The following CCSER1 variants were observed in gnomAD, a reference collection of about 807,000 sequenced individuals.
CCSER1 encodes coiled-coil serine rich protein 1.
CCSER1 carries 41 observed loss-of-function variants against 82.0 expected under a neutral mutation model. That is an observed-to-expected ratio of 0.50 (90% CI 0.39 to 0.65). The LOEUF (loss-of-function observed/expected upper bound fraction) is 0.65. Ranked by LOEUF, CCSER1 falls within the 30% of genes least tolerant of loss-of-function variation. The probability of loss-of-function intolerance (pLI) is 0.00; values close to 1 mark genes in which losing one functional copy is unlikely to be tolerated. For synonymous variants in CCSER1, 414 were observed against 383.9 expected (o/e 1.08, Z -0.92); for missense variants, 1,119 against 1,064.2 (o/e 1.05, Z -0.72).
intron 10 of CCSER1, among the ~76,000 whole-genome samples, chr4:91,116,359 A>G (rs1224377065): frequency 1.3e-5 from 2 of 152,176 alleles, no homozygotes; most frequent in Non-Finnish European, 2.9e-5. Flanking sequence ...TGCCGCTTGC[A>G]AGCTCTGATT....
intron 1 of CCSER1, among the ~76,000 whole-genome samples, chr4:90,265,104 CT>C (rs1560905337): frequency 6.6e-6 from 1 of 151,682 alleles, no homozygotes; most frequent in African/African-American, 2.4e-5. Context: ...AGATACAGAC[CT>C]TTATAGAGTG....
chr4:90,359,073 C>A (rs556635091), intron 3 of CCSER1, among the ~76,000 whole-genome samples: 1 of 151,970 alleles, frequency 6.6e-6, no homozygotes, highest in African/African-American at 2.4e-5. Context: ...CGATGTGTTA[C>A]GAATTCAGAG....
intron 10 of CCSER1, among the ~76,000 whole-genome samples, chr4:91,419,461 C>T (rs1407307376): frequency 6.6e-6 from 1 of 151,964 alleles, no homozygotes; most frequent in African/African-American, 2.4e-5. Context: ...ATTTCAGTTA[C>T]AGTAGCATCG....
At chr4:91,467,248 G>T (rs547491653) in intron 10 of CCSER1, among the ~76,000 whole-genome samples, 169 of 152,234 alleles carry the variant, frequency 1.1e-3, no homozygotes, top group Middle Eastern at 3.4e-3. Flanking sequence ...CAAGAAATGG[G>T]GAAAGGATTC....
chr4:91,234,899 A>G (rs937972846), intron 10 of CCSER1, among the ~76,000 whole-genome samples: 46 of 152,104 alleles, frequency 3.0e-4, no homozygotes, highest in African/African-American at 1.1e-3. Flanking sequence ...ATTATGGAAC[A>G]TGGAATTCAA....
rs112330758 is a variant in CCSER1, at chr4:90,544,031, C to T, written c.1724+75677C>T. On this transcript the variant is annotated intron_variant, in intron 5 of 10. Transcript: ENST00000509176. The stretch of plus-strand genomic sequence containing the variant: ...AGTTTCTTCCAGTAAAAGCAGCAGT[C>T]GAAGTAACATTGTAATGCTGTTCCC... 6.3e-3 allele frequency among the ~76,000 whole-genome samples: 961 copies of T among 152,092 alleles called. 7 individuals carry two copies. The highest frequency in any genetic ancestry group is 0.022 in the African/African-American group (913 of 41,502).
chr4:91,354,002 C>T (rs1201619383), intron 10 of CCSER1, among the ~76,000 whole-genome samples: 2 of 152,168 alleles, frequency 1.3e-5, no homozygotes, highest in African/African-American at 4.8e-5. Context: ...TAATTTTTCA[C>T]AAACTCCTCC....
At chr4:91,565,653 T>C (rs908277564) in intron 10 of CCSER1, among the ~76,000 whole-genome samples, 4 of 152,102 alleles carry the variant, frequency 2.6e-5, no homozygotes, top group Admixed American at 1.3e-4. Flanking sequence ...TTTATTCTTT[T>C]TGTGGCAATT....
At chr4:91,550,948 G>A (rs1411598513) in intron 10 of CCSER1, among the ~76,000 whole-genome samples, 2 of 152,062 alleles carry the variant, frequency 1.3e-5, no homozygotes, top group Non-Finnish European at 1.5e-5. Flanking sequence ...AATATTGAAA[G>A]TTTATGTTCA....
chr4:90,555,156 T>C (rs1777978176), intron 5 of CCSER1, among the ~76,000 whole-genome samples: 1 of 151,892 alleles, frequency 6.6e-6, no homozygotes, highest in Non-Finnish European at 1.5e-5. Context: ...AAAAGGGAAA[T>C]AATATATAAA....
intron 10 of CCSER1, among the ~76,000 whole-genome samples, chr4:91,142,191 T>C (rs1177668416): frequency 2.0e-5 from 3 of 152,118 alleles, no homozygotes; most frequent in Non-Finnish European, 4.4e-5. Flanking sequence ...CATACTGTTC[T>C]TGTGGTAGTG....
chr4:90,395,371 C>T (rs1341676836), intron 3 of CCSER1, among the ~76,000 whole-genome samples: 1 of 152,154 alleles, frequency 6.6e-6, no homozygotes, highest in Non-Finnish European at 1.5e-5. Context: ...ATTTATATTT[C>T]TTTTCATCTT....
intron 1 of CCSER1, among the ~76,000 whole-genome samples, chr4:90,247,811 C>T (rs11946053): frequency 0.052 from 7,881 of 151,678 alleles, 547 homozygotes; most frequent in African/African-American, 0.16. Flanking sequence ...TGAATTCCTC[C>T]TTTGCACTTC....
rs201354908 is a variant in CCSER1, at chr4:90,611,059, C to CTT, written c.1725-16947_1725-16946dup. 5.3e-4 allele frequency among the ~76,000 whole-genome samples: 50 copies of CTT among 93,826 alleles called. 3 individuals are homozygous for CTT. Among genetic ancestry groups the CTT allele is most frequent in the East Asian group, 1.3e-3 (4 of 3,084 alleles). 61.6% of individuals were successfully genotyped at this position (93,826 alleles called of 152,430 possible). ...TGCCTGGCTAATTTTCTTTTCTTTTCTTTTTTTTTTTTTTTTTTTTGTAGA... is the reference window on the plus strand; with the variant it reads ...TGCCTGGCTAATTTTCTTTTCTTTTCTTTTTTTTTTTTTTTTTTTTTTGTAGA... On this transcript the variant is annotated intron_variant, in intron 5 of 10. Transcript: ENST00000509176.
At chr4:90,429,121 C>T (rs1462170993) in intron 4 of CCSER1, among the ~76,000 whole-genome samples, 4 of 151,548 alleles carry the variant, frequency 2.6e-5, no homozygotes, top group Non-Finnish European at 3.0e-5. Flanking sequence ...ACTATCAGCT[C>T]GCTTATTTTG....
At chr4:90,607,787 AG>A (rs1164701038) in intron 5 of CCSER1, among the ~76,000 whole-genome samples, 1 of 152,182 alleles carries the variant, frequency 6.6e-6, no homozygotes, top group Non-Finnish European at 1.5e-5. Flanking sequence ...ACCCATACAG[AG>A]GGTAATGGAT....
chr4:90,922,218 A>G (rs1331688102), intron 8 of CCSER1, among the ~76,000 whole-genome samples: 42 of 152,008 alleles, frequency 2.8e-4, no homozygotes, highest in Admixed American at 2.8e-3. Context: ...TTATGTACGT[A>G]CTTTGATAAA....
chr4:90,463,710 A>G (rs1232536212), intron 4 of CCSER1, among the ~76,000 whole-genome samples: 4 of 152,110 alleles, frequency 2.6e-5, no homozygotes, highest in Non-Finnish European at 5.9e-5. Flanking sequence ...TATTTTGGTG[A>G]ATTGGAGTGG....
At chr4:90,962,816 T>A (rs747900459) in intron 9 of CCSER1, among the ~76,000 whole-genome samples, 11 of 152,178 alleles carry the variant, frequency 7.2e-5, no homozygotes, top group Non-Finnish European at 1.5e-4. Context: ...AGAGTGTGCA[T>A]GTTTTTCATA....
Sources: gnomAD v4.1 joint callset for allele counts (sites outside exome capture counted in the v4.1 genomes callset) on GRCh38, gnomAD v4.1.1 for gene constraint, MANE v1.5 for transcripts, NCBI Gene and HGNC (gene_info 2026-07-23, HGNC 2026-07-21) for gene names.